Variants in TMEM38B observed in about 807,000 individuals in gnomAD.
TMEM38B encodes trimeric intracellular cation channel type B.
Under a neutral mutation model 28.7 loss-of-function variants are expected in TMEM38B, and 24 were observed. The ratio of observed to expected loss-of-function variants is 0.84; its 90% CI spans 0.61 to 1.18. The LOEUF (loss-of-function observed/expected upper bound fraction) is 1.18, where lower values mean the gene tolerates loss of function less well. TMEM38B is among the 50% of genes most tolerant of loss of function. TMEM38B has a pLI of 0.00. For synonymous variants in TMEM38B, 131 were observed against 127.7 expected (o/e 1.03, Z -0.17); for missense variants, 380 against 350.9 (o/e 1.08, Z -0.66).
At chr9:105,750,567 T>C (rs1374067611) in intron 5 of TMEM38B, among the ~76,000 whole-genome samples, 2 of 152,158 alleles carry the variant, frequency 1.3e-5, no homozygotes, top group Admixed American at 6.5e-5. Flanking sequence ...TGAGATGAGA[T>C]TGTGCCACTG....
At chr9:105,732,715 T>C (rs991091863) in intron 4 of TMEM38B, among the ~76,000 whole-genome samples, 2 of 152,214 alleles carry the variant, frequency 1.3e-5, no homozygotes, top group Non-Finnish European at 2.9e-5. Context: ...ACTGTAGCCT[T>C]GTAGTATAGT....
chr9:105,728,081 T>C (rs1836586262), intron 4 of TMEM38B, among the ~76,000 whole-genome samples: 1 of 152,164 alleles, frequency 6.6e-6, no homozygotes, highest in South Asian at 2.1e-4. Flanking sequence ...AAGCCTCATG[T>C]ATTTCTTTTT....
intron 2 of TMEM38B, among the ~76,000 whole-genome samples, chr9:105,718,326 C>T (rs868555035): frequency 6.6e-6 from 1 of 151,874 alleles, no homozygotes; most frequent in Non-Finnish European, 1.5e-5. Context: ...GCAACCTCCG[C>T]CTCCTGGGTT....
At chr9:105,725,898 A>G (rs1836492432) in intron 4 of TMEM38B, among the ~76,000 whole-genome samples, 1 of 152,168 alleles carries the variant, frequency 6.6e-6, no homozygotes, top group Non-Finnish European at 1.5e-5. Flanking sequence ...AGGCAACACT[A>G]AATGTATAGA....
Position 105,759,987 on chromosome 9 carries a change from T to A in TMEM38B, c.660+11797T>A, listed in dbSNP as rs1038296767. The A allele has an allele frequency of 4.6e-6, 7 of 1,516,690 alleles. No individual in the cohort carries two copies. The African/African-American group carries it at 8.4e-5, about 18-fold the overall frequency. 94.0% of individuals were successfully genotyped at this position (1,516,690 alleles called of 1,614,324 possible). A position where few individuals can be genotyped will look rare whatever the true frequency, so the allele number is the denominator to read the frequency against. ...TGCAAAGTGAACTCGGAGAGTCTAG[T>A]GCTGCAATCAATAAAAGACTCTGCA... On this transcript the variant is annotated intron_variant, in intron 5 of 5. Coordinates refer to ENST00000374692, the MANE Select transcript of TMEM38B (RefSeq NM_018112.3).
intron 4 of TMEM38B, among the ~76,000 whole-genome samples, chr9:105,742,772 CAGTG>C (rs1837252493): frequency 6.6e-6 from 1 of 152,142 alleles, no homozygotes; most frequent in African/African-American, 2.4e-5. Context: ...AGAAAACAAA[CAGTG>C]AGAAAGAAAG....
At chr9:105,694,793 GCCGGA>G in intron 1 of TMEM38B, 21 bp downstream of exon 1, 1 of 1,364,734 alleles carries the variant, frequency 7.3e-7, no homozygotes, top group Non-Finnish European at 9.8e-7. Flanking sequence ...GGCGCCGCGG[GCCGGA>G]CCCCTCAGAG....
rs773654365 is a variant in TMEM38B, at chr9:105,773,865, A to T, written c.661A>T (p.Ile221Leu). 2 of 1,601,694 alleles carry T rather than the reference A, an allele frequency of 1.2e-6. No homozygotes were observed. Among genetic ancestry groups the T allele is most frequent in the Admixed American group, 1.7e-5 (1 of 58,588 alleles). Reference protein sequence around the residue: ...LYTIFIVATKITMMTTQTSTM... With the variant: ...LYTIFIVATKLTMMTTQTSTM... The stretch of plus-strand genomic sequence containing the variant: ...TCAAAATTAAACTTTTTTCCCCCAG[A>T]TAACCATGATGACTACACAGACTTC... Residue 221 changes from isoleucine to leucine, a missense_variant and splice_region_variant, in exon 6 of 6, where the codon ATA becomes TTA. Physicochemically the swap from Ile to Leu is conservative, Grantham distance 5 (BLOSUM62 2). Transcript: ENST00000374692.
At chr9:105,750,321 A>G (rs1407988420) in intron 5 of TMEM38B, among the ~76,000 whole-genome samples, 1 of 152,082 alleles carries the variant, frequency 6.6e-6, no homozygotes. Context: ...TAGAAGCACA[A>G]ACTGGTAAAA....
rs567191645 is a variant in TMEM38B at position 105,746,067 on chromosome 9, C to T, written c.543-2006C>T. On this transcript the variant is annotated intron_variant, in intron 4 of 5. Coordinates refer to ENST00000374692, the MANE Select transcript of TMEM38B (RefSeq NM_018112.3). ...TAGGATTGACTTGGCAATGCGGGCTCTTTTTTGTTTACATATGAACTTTAA... is the reference window on the plus strand; with the variant it reads ...TAGGATTGACTTGGCAATGCGGGCTTTTTTTTGTTTACATATGAACTTTAA... Among the ~76,000 whole-genome samples, 17 of 152,272 alleles carry T rather than the reference C, an allele frequency of 1.1e-4. No individual in the cohort carries two copies. The South Asian group carries it at 1.7e-3, about 15-fold the overall frequency.
At chr9:105,758,944 T>C (rs1353751665) in intron 5 of TMEM38B, 3 of 1,358,176 alleles carry the variant, frequency 2.2e-6, no homozygotes, top group Non-Finnish European at 3.2e-6. Flanking sequence ...GTGCCATCCC[T>C]AGAAGAAGTC....
At chr9:105,760,572 CAA>C (rs1051404144) in intron 5 of TMEM38B, 5 of 744,212 alleles carry the variant, frequency 6.7e-6, no homozygotes, top group South Asian at 1.5e-5. Context: ...TTATTAAAAA[CAA>C]GAGTTTACCT....
chr9:105,749,000 G>T (rs1057392226), intron 5 of TMEM38B: 8 of 1,160,124 alleles, frequency 6.9e-6, no homozygotes, highest in Middle Eastern at 2.8e-4. Flanking sequence ...TTTTTAAAAG[G>T]AAAACAGGAT....
At chr9:105,703,007 T>A (rs1339336148) in intron 1 of TMEM38B, among the ~76,000 whole-genome samples, 3 of 151,182 alleles carry the variant, frequency 2.0e-5, no homozygotes, top group Non-Finnish European at 4.5e-5. Context: ...ATATTAAAGT[T>A]CATATGTAAT....
At chr9:105,726,826 G>T (rs1435957187) in intron 4 of TMEM38B, among the ~76,000 whole-genome samples, 1 of 151,894 alleles carries the variant, frequency 6.6e-6, no homozygotes, top group Non-Finnish European at 1.5e-5. Flanking sequence ...TTGCATTTAG[G>T]TCTATGATTT....
At chr9:105,721,052 G>C (rs1836299680) in intron 2 of TMEM38B, among the ~76,000 whole-genome samples, 1 of 152,124 alleles carries the variant, frequency 6.6e-6, no homozygotes. Context: ...ATAGATTGTA[G>C]TTTATGTCCT....
At chr9:105,766,721 T>C (rs568223474) in intron 5 of TMEM38B, among the ~76,000 whole-genome samples, 1 of 152,244 alleles carries the variant, frequency 6.6e-6, no homozygotes, top group African/African-American at 2.4e-5. Flanking sequence ...AAAAGTTTTA[T>C]AATTTTTGCT....
At chr9:105,732,460 T>A (rs183323403) in intron 4 of TMEM38B, among the ~76,000 whole-genome samples, 205 of 152,362 alleles carry the variant, frequency 1.3e-3, no homozygotes, top group African/African-American at 4.6e-3. Context: ...TTTCAGTCTT[T>A]AATCCATCTT....
At chr9:105,760,338 C>T (rs1017363405) in intron 5 of TMEM38B, 1 of 772,336 alleles carries the variant, frequency 1.3e-6, no homozygotes, top group Non-Finnish European at 2.4e-6. Flanking sequence ...TAGTTTCTTT[C>T]TTACTGGATC....
Sources: allele counts gnomAD v4.1 joint callset (sites outside exome capture counted in the v4.1 genomes callset), GRCh38; gene constraint gnomAD v4.1.1; transcripts MANE v1.5; gene names NCBI Gene and HGNC (gene_info 2026-07-23, HGNC 2026-07-21).